PTPRM: variants seen among roughly 807,000 people sequenced by gnomAD.
PTPRM encodes the protein receptor-type tyrosine-protein phosphatase mu.
A neutral mutation model predicts 186.7 loss-of-function variants in PTPRM; 47 were observed. The observed-to-expected ratio is 0.25, with a 90% confidence interval of 0.20 to 0.32. The LOEUF (loss-of-function observed/expected upper bound fraction) is 0.32, where lower values mean the gene tolerates loss of function less well. Ranked by LOEUF, PTPRM falls within the 10% of genes least tolerant of loss-of-function variation. The pLI is 1.00. For synonymous variants in PTPRM, 668 were observed against 674.9 expected, an observed-to-expected ratio of 0.99 and a Z score of 0.16; for missense variants, 1,494 against 1,865.0, an observed-to-expected ratio of 0.80 and a Z score of 3.66.
intron 14 of PTPRM, among the ~76,000 whole-genome samples, chr18:8,181,342 C>G (rs929788198): frequency 6.6e-6 from 1 of 152,132 alleles, no homozygotes; most frequent in Non-Finnish European, 1.5e-5. Context: ...CCATAGAAAG[C>G]GTGGCAATTG....
intron 1 of PTPRM, among the ~76,000 whole-genome samples, chr18:7,724,189 G>A (rs1252066708): frequency 6.6e-6 from 1 of 152,112 alleles, no homozygotes; most frequent in Admixed American, 6.5e-5. Flanking sequence ...TGAATGGAAA[G>A]TAGTAACACT....
chr18:7,820,474 CTTTTAT>C (rs2045124666), intron 2 of PTPRM, among the ~76,000 whole-genome samples: 1 of 152,148 alleles, frequency 6.6e-6, no homozygotes, highest in Non-Finnish European at 1.5e-5. Context: ...ACTTGCTTTA[CTTTTAT>C]TTTTTGTGTG....
intron 2 of PTPRM, among the ~76,000 whole-genome samples, chr18:7,878,705 C>T (rs1200841663): frequency 2.0e-5 from 3 of 152,124 alleles, no homozygotes; most frequent in African/African-American, 7.2e-5. Context: ...CCAGATAGCT[C>T]TGATCTGCAG....
At chr18:8,263,652 T>C (rs943565086) in intron 19 of PTPRM, among the ~76,000 whole-genome samples, 1 of 151,638 alleles carries the variant, frequency 6.6e-6, no homozygotes, top group Non-Finnish European at 1.5e-5. Context: ...GATTAGAGAG[T>C]TGGAACTTTT....
chr18:7,989,726 A>G (rs2083160691), intron 7 of PTPRM, among the ~76,000 whole-genome samples: 1 of 152,034 alleles, frequency 6.6e-6, no homozygotes, highest in Admixed American at 6.6e-5. Context: ...ACTTCCTCAC[A>G]CTTTCTATAA....
intron 7 of PTPRM, among the ~76,000 whole-genome samples, chr18:8,044,709 A>T (rs985263261): frequency 3.5e-5 from 5 of 144,548 alleles, no homozygotes; most frequent in Non-Finnish European, 6.0e-5. Context: ...GTGAGCCAAG[A>T]TTATGCCACT....
Position 7,768,648 on chromosome 18 carries a change from A to AT in PTPRM, c.74-5486dup, listed in dbSNP as rs5822981. ...TATCCATAAAGATATATATATATAT[A>AT]TTTTTTTTTTTTTTTGAGTTGGAGT... On this transcript the variant is annotated intron_variant, in intron 1 of 32. Coordinates refer to ENST00000580170, the MANE Select transcript of PTPRM (RefSeq NM_001105244.2). 8.9e-3 allele frequency among the ~76,000 whole-genome samples: 1,225 copies of AT among 137,262 alleles called. 15 individuals are homozygous for AT. The highest frequency in any genetic ancestry group is 0.03 in the African/African-American group (1,086 of 36,436). 90.0% of individuals were successfully genotyped at this position (137,262 alleles called of 152,430 possible). A position where few individuals can be genotyped will look rare whatever the true frequency, so the allele number is the denominator to read the frequency against.
chr18:8,199,956 T>A (rs1297124622), intron 14 of PTPRM, among the ~76,000 whole-genome samples: 1 of 150,860 alleles, frequency 6.6e-6, no homozygotes, highest in African/African-American at 2.5e-5. Flanking sequence ...AAAAAAAAAA[T>A]CTTGTTGTTA....
At chr18:8,034,494 C>T (rs1024620770) in intron 7 of PTPRM, among the ~76,000 whole-genome samples, 1 of 152,106 alleles carries the variant, frequency 6.6e-6, no homozygotes, top group Non-Finnish European at 1.5e-5. Context: ...TTCTAAAATA[C>T]AGTGATGGGA....
At chr18:7,716,448 C>T (rs1309507225) in intron 1 of PTPRM, among the ~76,000 whole-genome samples, 1 of 152,116 alleles carries the variant, frequency 6.6e-6, no homozygotes, top group African/African-American at 2.4e-5. Flanking sequence ...ATGAGTAAAA[C>T]ACCAAAAGCA....
intron 1 of PTPRM, among the ~76,000 whole-genome samples, chr18:7,696,664 G>A (rs576014297): frequency 3.9e-5 from 6 of 152,326 alleles, no homozygotes; most frequent in African/African-American, 1.2e-4. Flanking sequence ...AGATTTTGTT[G>A]TGGACAACTT....
intron 23 of PTPRM, among the ~76,000 whole-genome samples, chr18:8,365,994 G>A (rs2095626789): frequency 6.6e-6 from 1 of 152,134 alleles, no homozygotes; most frequent in Non-Finnish European, 1.5e-5. Flanking sequence ...CTGGGGAGAG[G>A]GGGGCTTCAA....
At chr18:7,776,953 T>C (rs1194688485) in intron 2 of PTPRM, among the ~76,000 whole-genome samples, 1 of 146,778 alleles carries the variant, frequency 6.8e-6, no homozygotes, top group Non-Finnish European at 1.5e-5. Context: ...TTTAAATGCT[T>C]CTTAGTTTCC....
At chr18:7,753,445 A>G (rs2041320523) in intron 1 of PTPRM, among the ~76,000 whole-genome samples, 1 of 152,186 alleles carries the variant, frequency 6.6e-6, no homozygotes, top group Non-Finnish European at 1.5e-5. Context: ...GCTAGTTACT[A>G]TCATTAGCTT....
At chr18:7,649,362 T>C (rs2038641669) in intron 1 of PTPRM, among the ~76,000 whole-genome samples, 2 of 152,248 alleles carry the variant, frequency 1.3e-5, no homozygotes, top group Admixed American at 1.3e-4. Flanking sequence ...AGGAATAATT[T>C]GTACTTCCAA....
chr18:7,827,324 C>T (rs139138752), intron 2 of PTPRM, among the ~76,000 whole-genome samples: 8 of 152,084 alleles, frequency 5.3e-5, no homozygotes, highest in Non-Finnish European at 8.8e-5. Flanking sequence ...TCATAGCTGT[C>T]GAATCGATTT....
At chr18:7,672,578 G>C (rs2039242734) in intron 1 of PTPRM, among the ~76,000 whole-genome samples, 1 of 152,188 alleles carries the variant, frequency 6.6e-6, no homozygotes, top group Non-Finnish European at 1.5e-5. Flanking sequence ...GCCAAATAGA[G>C]TGACATTTGG....
At chr18:8,091,510 A>G in intron 11 of PTPRM, among the ~76,000 whole-genome samples, 1 of 152,044 alleles carries the variant, frequency 6.6e-6, no homozygotes, top group Non-Finnish European at 1.5e-5. Context: ...TATTGGAAGG[A>G]TGCCTATCTT....
intron 4 of PTPRM, among the ~76,000 whole-genome samples, chr18:7,923,030 G>A (rs146205785): frequency 1.5e-3 from 223 of 152,270 alleles, no homozygotes; most frequent in African/African-American, 5.0e-3. Context: ...GGTGCCAATA[G>A]CACTGCCTTT....
Sources: allele counts gnomAD v4.1 joint callset (sites outside exome capture counted in the v4.1 genomes callset), GRCh38; gene constraint gnomAD v4.1.1; transcripts MANE v1.5; gene names NCBI Gene and HGNC (gene_info 2026-07-23, HGNC 2026-07-21).